The following MAD1L1 variants were observed in gnomAD, a reference collection of about 807,000 sequenced individuals.
The protein encoded by MAD1L1 is mitotic arrest deficient 1 like 1.
In MAD1L1, 95 loss-of-function variants were observed where a neutral mutation model predicts 96.9. The ratio of observed to expected loss-of-function variants is 0.98; its 90% CI spans 0.83 to 1.16. The LOEUF is 1.16. Ranked by LOEUF, MAD1L1 falls within the 50% of genes most tolerant of loss-of-function variation. The pLI, the probability that MAD1L1 is intolerant of heterozygous loss-of-function variation, is 0.00. For synonymous variants in MAD1L1, 473 were observed against 396.6 expected (o/e 1.19, Z -2.29); for missense variants, 1,007 against 954.4 (o/e 1.06, Z -0.73).
At chr7:1,898,474 GCC>G (rs1787035796) in intron 17 of MAD1L1, 84 bp from the exon 18 acceptor site, 4 of 1,223,732 alleles carry the variant, frequency 3.3e-6, no homozygotes, top group Middle Eastern at 4.3e-4. Flanking sequence ...CAGGGAGGAA[GCC>G]GAGTACAGGT....
intron 11 of MAD1L1, among the ~76,000 whole-genome samples, chr7:2,147,099 C>T (rs774295328): frequency 1.2e-4 from 19 of 152,202 alleles, no homozygotes; most frequent in Non-Finnish European, 2.1e-4. Context: ...CACTGAGACC[C>T]GGGGACGGCT....
intron 10 of MAD1L1, among the ~76,000 whole-genome samples, chr7:2,164,235 A>G (rs1013044663): frequency 5.3e-5 from 8 of 152,236 alleles, no homozygotes; most frequent in African/African-American, 1.9e-4. Flanking sequence ...TGATTCTAAC[A>G]TCCTCAGGCA....
chr7:2,229,921 G>A, intron 3 of MAD1L1, 63 bp downstream of exon 3: 2 of 1,556,628 alleles, frequency 1.3e-6, no homozygotes, highest in South Asian at 1.2e-5. Context: ...AAGACTGGAA[G>A]AGGTCCTGCC....
intron 18 of MAD1L1, among the ~76,000 whole-genome samples, chr7:1,887,651 G>A (rs967489169): frequency 1.4e-5 from 2 of 139,846 alleles, no homozygotes; most frequent in African/African-American, 2.5e-5. Flanking sequence ...ATGCATGTGG[G>A]TGCCTGTGCA....
chr7:1,937,249 T>C (rs1446760413), intron 16 of MAD1L1, among the ~76,000 whole-genome samples: 1 of 152,158 alleles, frequency 6.6e-6, no homozygotes, highest in African/African-American at 2.4e-5. Flanking sequence ...TCCTCTCCTC[T>C]GAGGTTCCTG....
At chr7:1,964,191 T>G (rs1056159913) in intron 15 of MAD1L1, among the ~76,000 whole-genome samples, 1 of 152,082 alleles carries the variant, frequency 6.6e-6, no homozygotes, top group Non-Finnish European at 1.5e-5. Context: ...AGTGACGACA[T>G]GGTGGGGGCC....
chr7:1,825,891 C>T (rs35406566), intron 18 of MAD1L1, among the ~76,000 whole-genome samples: 63,377 of 151,412 alleles, frequency 0.42, 13,357 homozygotes, highest in Non-Finnish European at 0.45. Flanking sequence ...TGAGCACAGT[C>T]CCAGCCCCAG....
intron 18 of MAD1L1, among the ~76,000 whole-genome samples, chr7:1,876,810 G>A (rs1304710269): frequency 2.0e-5 from 3 of 149,538 alleles, no homozygotes; most frequent in African/African-American, 7.4e-5. Flanking sequence ...CCCCTGCCAG[G>A]GCTGCCCGGT....
chr7:2,103,142 G>C lies in MAD1L1; in HGVS notation c.1074-33804C>G, dbSNP rs1268569283. On this transcript the variant is annotated intron_variant, in intron 11 of 18. Coordinates refer to ENST00000265854, the MANE Select transcript of MAD1L1 (RefSeq NM_001013836.2). This position sits in a 1 kb window ranked among gnomAD's most constrained non-coding sequence, Gnocchi z 4.3. The stretch of plus-strand genomic sequence containing the variant: ...CTGCGCTTGCTGCTGCCTCTGCCTG[G>C]AACGGGCTCTCTCCCCTGCCCCTGC... Among the ~76,000 whole-genome samples, 2 of 152,122 alleles carry C rather than the reference G, an allele frequency of 1.3e-5. No homozygotes were observed. The highest frequency in any genetic ancestry group is 2.9e-5 in the Non-Finnish European group (2 of 68,026).
intron 17 of MAD1L1, among the ~76,000 whole-genome samples, chr7:1,936,146 G>A (rs1778586474): frequency 2.0e-5 from 3 of 152,362 alleles, no homozygotes; most frequent in South Asian, 2.1e-4. Context: ...GGCTTGGCGT[G>A]GGCAGACCCC....
At chr7:1,885,138 A>T (rs1387526330) in intron 18 of MAD1L1, among the ~76,000 whole-genome samples, 2 of 152,182 alleles carry the variant, frequency 1.3e-5, no homozygotes, top group African/African-American at 2.4e-5. Flanking sequence ...ATAGCAGGAC[A>T]GGGGAAGAGA....
At position 2,142,721 on chromosome 7, in the gene MAD1L1, G is replaced by A. The variant is rs189293669; in HGVS notation, c.1073+6431C>T. On this transcript the variant is annotated intron_variant, in intron 11 of 18. Transcript: ENST00000265854. The surrounding 1 kb of genome is among the most constrained non-coding windows in gnomAD (Gnocchi z 4.7). ...ACATCGAGTGGCGCCAAAGCCGAAC[G>A]GACGCAACAAGGCCTCTGGCCATGT... Among the ~76,000 whole-genome samples, 338 of 152,320 alleles carry A rather than the reference G, an allele frequency of 2.2e-3. 1 individual carries two copies. Among genetic ancestry groups the A allele is most frequent in the Non-Finnish European group, 4.1e-3 (281 of 68,030 alleles).
intron 18 of MAD1L1, among the ~76,000 whole-genome samples, chr7:1,821,013 G>A (rs1228464273): frequency 5.4e-4 from 81 of 148,870 alleles, no homozygotes; most frequent in African/African-American, 1.3e-3. Flanking sequence ...CCCAGGAGGC[G>A]GAGCTTGCAG....
chr7:1,869,124 G>A (rs917511763), intron 18 of MAD1L1, among the ~76,000 whole-genome samples: 1 of 152,152 alleles, frequency 6.6e-6, no homozygotes, highest in African/African-American at 2.4e-5. Context: ...AACGATCCAT[G>A]CCCAGGCACC....
intron 17 of MAD1L1, among the ~76,000 whole-genome samples, chr7:1,907,528 T>A (rs1379410004): frequency 6.6e-6 from 1 of 152,252 alleles, no homozygotes; most frequent in Non-Finnish European, 1.5e-5. Context: ...AGGACAATCC[T>A]ACTCGGCGTA....
chr7:2,094,642 C>T (rs1786384013), intron 11 of MAD1L1, among the ~76,000 whole-genome samples: 1 of 152,128 alleles, frequency 6.6e-6, no homozygotes, highest in African/African-American at 2.4e-5. Flanking sequence ...GTGCAAAGGC[C>T]CTGGGGCAGG....
intron 10 of MAD1L1, among the ~76,000 whole-genome samples, chr7:2,207,851 G>A (rs564798153): frequency 6.6e-6 from 1 of 152,240 alleles, no homozygotes; most frequent in South Asian, 2.1e-4. Context: ...CCTACTACTT[G>A]CACCTGGAAT....
chr7:1,848,254 G>A (rs1231081426), intron 18 of MAD1L1: 10 of 172,360 alleles, frequency 5.8e-5, no homozygotes, highest in East Asian at 1.7e-4. Context: ...CACCACCACC[G>A]GCCCCAGCAA....
At chr7:1,884,820 G>C (rs1785909478) in intron 18 of MAD1L1, among the ~76,000 whole-genome samples, 1 of 152,252 alleles carries the variant, frequency 6.6e-6, no homozygotes, top group Admixed American at 6.5e-5. Flanking sequence ...AGCCACAGCA[G>C]GGAGGCCACA....
Sources: allele counts gnomAD v4.1 joint callset (sites outside exome capture counted in the v4.1 genomes callset), GRCh38; gene constraint gnomAD v4.1.1; non-coding constraint Gnocchi (gnomAD v3.1); transcripts MANE v1.5; gene names NCBI Gene and HGNC (gene_info 2026-07-23, HGNC 2026-07-21).